The following DMD variants were observed in gnomAD, a reference collection of about 807,000 sequenced individuals.
The protein encoded by DMD is dystrophin.
A neutral mutation model predicts 330.1 loss-of-function variants in DMD; 63 were observed. The ratio of observed to expected loss-of-function variants is 0.19; its 90% CI spans 0.16 to 0.24. The LOEUF (loss-of-function observed/expected upper bound fraction) is 0.24. DMD is among the 10% of genes least tolerant of loss of function. The pLI is 1.00. For synonymous variants in DMD, 1,223 were observed against 959.8 expected (o/e 1.27, Z -5.07); for missense variants, 3,344 against 2,684.1 (o/e 1.25, Z -5.43).
intron 20 of DMD, among the ~76,000 whole-genome samples, chrX:32,485,590 A>T (rs890136623): frequency 9.2e-6 from 1 of 109,122 alleles, no homozygotes; most frequent in Non-Finnish European, 1.9e-5. Flanking sequence ...ATTTTGATAC[A>T]ATTATATAGA....
intron 60 of DMD, among the ~76,000 whole-genome samples, chrX:31,394,755 T>C (rs888915696): frequency 3.6e-5 from 4 of 111,660 alleles, no homozygotes; most frequent in African/African-American, 3.3e-5. Flanking sequence ...GATCATGCCA[T>C]TGGACTCCAG....
chrX:32,503,615 GCA>G lies in DMD; in HGVS notation c.2293-1775_2293-1774del, dbSNP rs1242661661. The stretch of plus-strand genomic sequence containing the variant: ...CTGTCGCCCAGGCTGGAGTGCAGTG[GCA>G]TGATCTCAGCTCACTGCAACCTCTG... On this transcript the variant is annotated intron_variant, in intron 18 of 78. Transcript: ENST00000357033. Among the ~76,000 whole-genome samples the G allele has an allele frequency of 3.5e-4, 39 of 111,305 alleles. 1 individual carries two copies. In the East Asian group the frequency reaches 6.0e-3, roughly 17 times the overall value.
intron 29 of DMD, among the ~76,000 whole-genome samples, chrX:32,412,567 T>C (rs1051083436): frequency 8.9e-6 from 1 of 111,921 alleles, no homozygotes; most frequent in African/African-American, 3.2e-5. Flanking sequence ...CTGCAATTAA[T>C]CTTGATTGTA....
chrX:31,274,861 G>A (rs2051970944), intron 62 of DMD, among the ~76,000 whole-genome samples: 1 of 110,936 alleles, frequency 9.0e-6, no homozygotes, highest in African/African-American at 3.3e-5. Context: ...GGGAGTGTTT[G>A]GAGAATGACA....
chrX:31,278,152 T>C (rs1197281312), intron 62 of DMD, among the ~76,000 whole-genome samples: 1 of 111,472 alleles, frequency 9.0e-6, no homozygotes, highest in Non-Finnish European at 1.9e-5. Context: ...CGTGTGTGTG[T>C]GTACCAGGAT....
intron 12 of DMD, among the ~76,000 whole-genome samples, chrX:32,598,076 G>A (rs1417212964): frequency 8.9e-6 from 1 of 112,027 alleles, no homozygotes; most frequent in African/African-American, 3.2e-5. Flanking sequence ...AATCTCAAAT[G>A]CATGAGCATT....
intron 1 of DMD, among the ~76,000 whole-genome samples, chrX:33,171,194 T>TTTAA (rs2049324222): frequency 2.8e-5 from 2 of 71,807 alleles, no homozygotes; most frequent in Admixed American, 1.5e-4. Context: ...AACACTCCTT[T>TTTAA]AAACTCTCTC....
At position 31,950,039 on chromosome X, in the gene DMD, C is replaced by T. The variant is rs769855493; in HGVS notation, c.6615-17812G>A. ...GTTATTTCCTTCCTTATGCTTCCTT[C>T]GAGCTTACTGTGTTCTTCTTTTTCT... On this transcript the variant is annotated intron_variant, in intron 45 of 78. Transcript: ENST00000357033. Among the ~76,000 whole-genome samples, 20 of 110,575 alleles carry T rather than the reference C, an allele frequency of 1.8e-4. No individual in the cohort carries two copies. The South Asian group carries it at 3.4e-3, about 19-fold the overall frequency.
chrX:32,597,988 T>A (rs1177196334), intron 12 of DMD, among the ~76,000 whole-genome samples: 1 of 112,295 alleles, frequency 8.9e-6, no homozygotes. Context: ...CAACAGTGCT[T>A]AGCACCTATC....
chrX:32,136,012 A>G (rs2096722950), intron 44 of DMD, among the ~76,000 whole-genome samples: 1 of 112,184 alleles, frequency 8.9e-6, no homozygotes, highest in African/African-American at 3.2e-5. Flanking sequence ...ATCTGATTCC[A>G]TAAATCATGG....
rs929523547 is a variant in DMD, at chrX:32,142,547, A to G, written c.6438+74369T>C. ...TTCTTCATTAACACAGGACATTATA[A>G]TTTTAAAACATCTGACTAAGTCCAT... On this transcript the variant is annotated intron_variant, in intron 44 of 78. Transcript: ENST00000357033. Among the ~76,000 whole-genome samples, 3 of 112,387 alleles carry G rather than the reference A, an allele frequency of 2.7e-5. No individual in the cohort carries two copies. The East Asian group carries it at 8.4e-4, about 31-fold the overall frequency.
In DMD at chrX:31,627,665, T is replaced by C; in HGVS notation, c.8217+8A>G. ...ACAAGAGTGCTAAAGCGGAAATGCC[T>C]GACTTACTTGCCATTGTTTCATCAG... On this transcript the variant is annotated splice_region_variant and intron_variant, in intron 55 of 78. Coordinates refer to ENST00000357033, the MANE Select transcript of DMD (RefSeq NM_004006.3). 8.3e-7 allele frequency: 1 copy of C among 1,209,962 alleles called. No homozygotes were observed. The highest frequency in any genetic ancestry group is 3.0e-5 in the East Asian group (1 of 33,788).
intron 50 of DMD, among the ~76,000 whole-genome samples, chrX:31,798,926 T>C (rs1016896020): frequency 9.0e-6 from 1 of 111,665 alleles, no homozygotes. Flanking sequence ...GCTAGCTTTG[T>C]CTCTGGAACA....
chrX:31,469,450 G>A, intron 59 of DMD, among the ~76,000 whole-genome samples: 1 of 111,869 alleles, frequency 8.9e-6, no homozygotes, highest in East Asian at 2.8e-4. Context: ...GGCTGGATAT[G>A]AAATTCTGGG....
At chrX:32,437,313 C>T (rs180964408) in intron 29 of DMD, among the ~76,000 whole-genome samples, 1 of 111,758 alleles carries the variant, frequency 8.9e-6, no homozygotes, top group Non-Finnish European at 1.9e-5. Context: ...TCTGCCCTAC[C>T]CTCACATACT....
chrX:33,211,992 A>T (rs1315571372), upstream of DMD, among the ~76,000 whole-genome samples: 2 of 112,080 alleles, frequency 1.8e-5, no homozygotes, highest in African/African-American at 6.5e-5. Flanking sequence ...ACTGTCTACC[A>T]AAGTTATTTT....
At chrX:31,227,826 T>A (rs1028821543) in intron 63 of DMD, among the ~76,000 whole-genome samples, 8 of 110,827 alleles carry the variant, frequency 7.2e-5, no homozygotes, top group Non-Finnish European at 1.3e-4. Flanking sequence ...ATTGTGGCAT[T>A]ATTCACAATA....
intron 29 of DMD, among the ~76,000 whole-genome samples, chrX:32,430,905 G>T (rs1261381315): frequency 9.0e-6 from 1 of 111,256 alleles, no homozygotes; most frequent in Non-Finnish European, 1.9e-5. Context: ...ATTTTTTAAG[G>T]GCTGAATAAT....
intron 47 of DMD, among the ~76,000 whole-genome samples, chrX:31,910,922 C>T (rs1308265237): frequency 8.9e-6 from 1 of 112,029 alleles, no homozygotes; most frequent in Non-Finnish European, 1.9e-5. Context: ...AAACCCAGGG[C>T]TAAAGGAGAA....
Sources: gnomAD v4.1 joint callset for allele counts (sites outside exome capture counted in the v4.1 genomes callset) on GRCh38, gnomAD v4.1.1 for gene constraint, MANE v1.5 for transcripts, NCBI Gene and HGNC (gene_info 2026-07-23, HGNC 2026-07-21) for gene names.